Variants in LINGO2 observed in about 807,000 individuals in gnomAD.
The protein encoded by LINGO2 is leucine-rich repeat and immunoglobulin-like domain-containing nogo receptor-interacting protein 2.
LINGO2 carries 14 observed loss-of-function variants against 30.6 expected under a neutral mutation model. The observed-to-expected ratio is 0.46, with a 90% CI of 0.30 to 0.72. LINGO2 has a LOEUF of 0.72. LINGO2 is among the 30% of genes least tolerant of loss of function. The probability of loss-of-function intolerance (pLI) is 0.07; values close to 1 mark genes in which losing one functional copy is unlikely to be tolerated. For missense variants in LINGO2, 729 were observed against 751.7 expected (o/e 0.97, Z 0.35); for synonymous variants, 317 against 288.5 (o/e 1.10, Z -1.00).
chr9:28,270,129 C>T (rs1036096788), intron 4 of LINGO2, among the ~76,000 whole-genome samples: 32 of 152,184 alleles, frequency 2.1e-4, no homozygotes, highest in African/African-American at 7.2e-4. Flanking sequence ...TCACTGAGTT[C>T]GGCAAAGTGA....
intron 1 of LINGO2, among the ~76,000 whole-genome samples, chr9:28,493,287 A>G (rs1385779653): frequency 6.6e-6 from 1 of 152,180 alleles, no homozygotes; most frequent in Non-Finnish European, 1.5e-5. Context: ...AACTAAAAAC[A>G]CGATCATCTC....
intron 4 of LINGO2, among the ~76,000 whole-genome samples, chr9:28,228,231 C>T (rs2133925995): frequency 6.6e-6 from 1 of 152,044 alleles, no homozygotes; most frequent in Admixed American, 6.5e-5. Flanking sequence ...GGCACCAAAT[C>T]ACTGCAGGAA....
At chr9:29,089,791 G>T in the LINGO2 span, among the ~76,000 whole-genome samples, 1 of 152,000 alleles carries the variant, frequency 6.6e-6, no homozygotes, top group Non-Finnish European at 1.5e-5. Context: ...CTTACAAGAA[G>T]TTTCATAAGG....
At chr9:28,506,487 TACAC>T (rs374238897) in intron 1 of LINGO2, among the ~76,000 whole-genome samples, 20 of 40,438 alleles carry the variant, frequency 4.9e-4, no homozygotes, top group Middle Eastern at 0.021. Flanking sequence ...CACATACACA[TACAC>T]ACACACACAC....
the LINGO2 span, among the ~76,000 whole-genome samples, chr9:29,154,737 T>C: frequency 1.3e-5 from 2 of 152,330 alleles, no homozygotes; most frequent in Non-Finnish European, 2.9e-5. Flanking sequence ...TATCTGCTCC[T>C]AACTTTAGAT....
At chr9:28,565,217 T>G (rs1042183754) in intron 1 of LINGO2, among the ~76,000 whole-genome samples, 1 of 152,282 alleles carries the variant, frequency 6.6e-6, no homozygotes, top group African/African-American at 2.4e-5. Flanking sequence ...TATATAAGTC[T>G]CACTCTGTCG....
chr9:28,381,083 G>A (rs1246385135), intron 2 of LINGO2, among the ~76,000 whole-genome samples: 1 of 152,004 alleles, frequency 6.6e-6, no homozygotes, highest in Non-Finnish European at 1.5e-5. Flanking sequence ...AAAAAGTGGT[G>A]TCCTTCAGAA....
the LINGO2 span, among the ~76,000 whole-genome samples, chr9:28,823,650 G>A: frequency 2.0e-5 from 3 of 152,170 alleles, no homozygotes; most frequent in African/African-American, 2.4e-5. Context: ...CATGTACAGA[G>A]GAACTGAAGC....
chr9:28,503,164 T>C (rs1480850519), intron 1 of LINGO2, among the ~76,000 whole-genome samples: 3 of 152,066 alleles, frequency 2.0e-5, no homozygotes, highest in Non-Finnish European at 2.9e-5. Flanking sequence ...CTGTATTACT[T>C]TGGGTTCATT....
At chr9:29,132,531 T>C in the LINGO2 span, among the ~76,000 whole-genome samples, 2 of 152,252 alleles carry the variant, frequency 1.3e-5, no homozygotes, top group East Asian at 3.9e-4. Flanking sequence ...AAGTAACCAA[T>C]GGGAAACCTC....
chr9:28,742,370 C>T, the LINGO2 span, among the ~76,000 whole-genome samples: 2 of 151,122 alleles, frequency 1.3e-5, no homozygotes, highest in Non-Finnish European at 2.9e-5. Context: ...TACTTCTTCA[C>T]ATTGATGTGT....
chr9:27,947,870 A>G (rs1437884572), downstream of LINGO2, among the ~76,000 whole-genome samples: 1 of 152,182 alleles, frequency 6.6e-6, no homozygotes, highest in African/African-American at 2.4e-5. Flanking sequence ...TGTAACCATT[A>G]CCTCTTCTTC....
Position 28,129,500 on chromosome 9 carries a change from C to A in LINGO2, c.-86-117095G>T, listed in dbSNP as rs113033465. Among the ~76,000 whole-genome samples, 1,057 of 152,284 alleles carry A rather than the reference C, an allele frequency of 6.9e-3. 22 individuals carry two copies. Among genetic ancestry groups the A allele is most frequent in the African/African-American group, 0.023 (949 of 41,566 alleles). ...TGTCTCATCACAGAAACAGCCTATC[C>A]AGTCGTACCTCTTCAGTCCTCAGAC... On this transcript the variant is annotated intron_variant, in intron 4 of 5. Coordinates refer to ENST00000379992, the Ensembl canonical transcript of LINGO2. This position sits in a 1 kb window ranked among gnomAD's most constrained non-coding sequence, Gnocchi z 4.0.
At chr9:29,205,067 T>C in the LINGO2 span, among the ~76,000 whole-genome samples, 1 of 152,182 alleles carries the variant, frequency 6.6e-6, no homozygotes, top group African/African-American at 2.4e-5. Flanking sequence ...TTTTTCTTTT[T>C]CTTTTTTTCT....
chr9:29,036,249 TA>T, the LINGO2 span, among the ~76,000 whole-genome samples: 1 of 152,092 alleles, frequency 6.6e-6, no homozygotes, highest in Non-Finnish European at 1.5e-5. Flanking sequence ...ATATTAGCCT[TA>T]AAAAGTGCAT....
At chr9:28,342,333 CATATAGACAGAAAAGAA>C (rs1331015345) in intron 3 of LINGO2, among the ~76,000 whole-genome samples, 3 of 152,126 alleles carry the variant, frequency 2.0e-5, no homozygotes, top group Non-Finnish European at 4.4e-5. Flanking sequence ...TCAAATCCTA[CATATAGACAGAAAAGAA>C]ATAGTCCAAC....
chr9:28,790,806 C>G, the LINGO2 span, among the ~76,000 whole-genome samples: 1 of 151,898 alleles, frequency 6.6e-6, no homozygotes, highest in Non-Finnish European at 1.5e-5. Flanking sequence ...AAAATTTAAA[C>G]TTTTTCAAAG....
the LINGO2 span, among the ~76,000 whole-genome samples, chr9:28,957,888 T>C: frequency 6.6e-6 from 1 of 152,214 alleles, no homozygotes; most frequent in African/African-American, 2.4e-5. Context: ...TTCTTGGCAA[T>C]GCACTAATTT....
At chr9:29,045,237 A>G in the LINGO2 span, among the ~76,000 whole-genome samples, 1 of 152,090 alleles carries the variant, frequency 6.6e-6, no homozygotes, top group Non-Finnish European at 1.5e-5. Context: ...CAAGTTATAA[A>G]TTGTTTATCT....
Sources: gnomAD v4.1 joint callset for allele counts (sites outside exome capture counted in the v4.1 genomes callset) on GRCh38, gnomAD v4.1.1 for gene constraint, Gnocchi (gnomAD v3.1) non-coding constraint, MANE v1.5 for transcripts, NCBI Gene and HGNC (gene_info 2026-07-23, HGNC 2026-07-21) for gene names.